The following KCP variants were observed in gnomAD, a reference collection of about 807,000 sequenced individuals.
KCP encodes the protein kielin/chordin-like protein.
In KCP, 194 loss-of-function variants were observed where a neutral mutation model predicts 212.7. The ratio of observed to expected loss-of-function variants is 0.91; its 90% confidence interval spans 0.81 to 1.03. The LOEUF is 1.03. Ranked by LOEUF, KCP falls within the 50% of genes least tolerant of loss-of-function variation. The pLI, the probability that KCP is intolerant of heterozygous loss-of-function variation, is 0.00. For synonymous variants in KCP, 833 were observed against 865.3 expected, an observed-to-expected ratio of 0.96 and a Z score of 0.65; for missense variants, 2,080 against 2,162.5, an observed-to-expected ratio of 0.96 and a Z score of 0.76.
At chr7:128,884,265 A>G in intron 28 of KCP, 143 bp from the exon 29 acceptor site, 1 of 1,030,798 alleles carries the variant, frequency 9.7e-7, no homozygotes, top group Non-Finnish European at 1.4e-6. Context: ...CTGAAGAGAG[A>G]CTCAGTGTCT....
Position 128,902,879 on chromosome 7 carries a change from A to T in KCP, c.749-20T>A. 1 of 1,543,224 alleles carries T rather than the reference A, an allele frequency of 6.5e-7. No homozygotes were observed. Among genetic ancestry groups the T allele is most frequent in the Non-Finnish European group, 8.8e-7 (1 of 1,139,806 alleles). The stretch of plus-strand genomic sequence containing the variant: ...TGCAGCCTAGGGTTGAGGGGTTGAG[A>T]AGAGGGAGGCCTGGTGGGAGCTGGC... On this transcript the variant is annotated intron_variant, in intron 7 of 39. Transcript: ENST00000610776.
chr7:128,879,450 A>G, intron 37 of KCP, 72 bp downstream of exon 37: 4 of 1,314,786 alleles, frequency 3.0e-6, no homozygotes, highest in Non-Finnish European at 4.2e-6. Context: ...CACCCCCTCT[A>G]CAGATACAGA....
intron 4 of KCP, among the ~76,000 whole-genome samples, chr7:128,906,710 G>C (rs1203831200): frequency 1.3e-5 from 2 of 152,174 alleles, no homozygotes; most frequent in East Asian, 3.9e-4. Flanking sequence ...GAATAGGCAG[G>C]CCAGGGGGTT....
At position 128,876,906 on chromosome 7, in the gene KCP, CG is replaced by C; in HGVS notation, c.*136del. The stretch of plus-strand genomic sequence containing the variant: ...GTTTACTGCTGGTGACTCAACATGG[CG>C]GGGGTCTTTGCAGGGCAGGGGCCCA... On this transcript the variant is annotated 3_prime_UTR_variant, in exon 40 of 40. Transcript: ENST00000610776. 9.9e-7 allele frequency: 1 copy of C among 1,012,554 alleles called. No homozygotes were observed. Among genetic ancestry groups the C allele is most frequent in the Non-Finnish European group, 1.4e-6 (1 of 719,512 alleles). The allele number at this position is 1,012,554 out of a possible 1,614,324, so 62.7% of individuals were successfully genotyped here. A position where few individuals can be genotyped will look rare whatever the true frequency, so the allele number is the denominator to read the frequency against.
chr7:128,888,579 G>GCC (rs1367642199), intron 22 of KCP, among the ~76,000 whole-genome samples: 10 of 117,542 alleles, frequency 8.5e-5, no homozygotes, highest in Non-Finnish European at 1.5e-4. Context: ...TATACACACG[G>GCC]CCACACACAC....
intron 8 of KCP, among the ~76,000 whole-genome samples, chr7:128,896,508 C>A (rs1340841724): frequency 6.6e-6 from 1 of 152,114 alleles, no homozygotes; most frequent in Non-Finnish European, 1.5e-5. Flanking sequence ...CTATGGGTGA[C>A]AGGATTAGGC....
At chr7:128,890,092 AT>A in intron 21 of KCP, 1 of 574,998 alleles carries the variant, frequency 1.7e-6, no homozygotes, top group Non-Finnish European at 3.0e-6. Flanking sequence ...CTGATTTTAA[AT>A]TTTTTGTGTA....
chr7:128,889,109 C>A, intron 21 of KCP, 70 bp from the exon 22 acceptor site: 1 of 1,270,876 alleles, frequency 7.9e-7, no homozygotes, highest in Non-Finnish European at 1.1e-6. Flanking sequence ...GTCATAGGCT[C>A]TGAGCTTGGG....
chr7:128,906,475 G>A (rs1344414377), intron 4 of KCP, 112 bp from the exon 5 acceptor site: 3 of 780,296 alleles, frequency 3.8e-6, no homozygotes, highest in South Asian at 1.5e-5. Flanking sequence ...AAGAGGATGA[G>A]TTGGCTCTGT....
In KCP at chr7:128,886,446, G is replaced by A. The variant is rs755025334; in HGVS notation, c.2866+18C>T. 3.9e-6 allele frequency: 6 copies of A among 1,536,642 alleles called. No individual in the cohort carries two copies. In the South Asian group the frequency reaches 7.2e-5, roughly 18 times the overall value. On this transcript the variant is annotated intron_variant, in intron 26 of 39. Transcript: ENST00000610776. Reference sequence around the variant, plus strand: ...GCCAAGGGGCTGAAGCAAGGGGTAGGGCTACAGGCGGCCATACCTCTGCAG... The same window carrying A: ...GCCAAGGGGCTGAAGCAAGGGGTAGAGCTACAGGCGGCCATACCTCTGCAG...
chr7:128,882,063 G>A (rs1353515998), intron 29 of KCP, 47 bp from the exon 30 acceptor site: 5 of 1,439,854 alleles, frequency 3.5e-6, no homozygotes, highest in Non-Finnish European at 4.8e-6. Flanking sequence ...AGGGGCACAG[G>A]GCTGGAAATC....
chr7:128,887,885 A>G (rs1381528599), intron 22 of KCP, among the ~76,000 whole-genome samples: 1 of 149,776 alleles, frequency 6.7e-6, no homozygotes, highest in Non-Finnish European at 1.5e-5. Context: ...AAACATACAC[A>G]TAGCCACGCA....
rs777019614 is a variant in KCP at position 128,906,288 on chromosome 7, A to T, written c.562T>A (p.Cys188Ser). 3.5e-5 allele frequency: 54 copies of T among 1,550,974 alleles called. 1 individual carries two copies. The South Asian group carries it at 6.2e-4, about 18-fold the overall frequency. The change falls in exon 5 of 40, where the codon TGT (cysteine) becomes AGT (serine). Residue 188 changes from cysteine to serine, a missense_variant. Cys to Ser is a moderately radical substitution (Grantham distance 112, BLOSUM62 -1). Coordinates refer to ENST00000610776, the MANE Select transcript of KCP (RefSeq NM_001366122.1). ...CPEPGACCPHCKPGCDYEGQL... is the reference protein window; with the variant it reads ...CPEPGACCPHSKPGCDYEGQL... ...CTGGCAGGAGGCTGACCTGGCTTACAGTGCGGGCAGCATGCTCCTGGCTCA... is the reference window on the plus strand; with the variant it reads ...CTGGCAGGAGGCTGACCTGGCTTACTGTGCGGGCAGCATGCTCCTGGCTCA...
rs1305804761 is a variant in KCP at position 128,904,157 on chromosome 7, TGAC to T, written c.572-22_572-20del. ...TCACAGCCTGGGAAGGTTGGCAGGA[TGAC>T]AAGTGGGTCACCAGGCAGCAGGGTG... On this transcript the variant is annotated intron_variant, in intron 5 of 39. Transcript: ENST00000610776. The T allele has an allele frequency of 4.5e-6, 7 of 1,550,154 alleles. No individual in the cohort carries two copies. The highest frequency in any genetic ancestry group is 6.1e-6 in the Non-Finnish European group (7 of 1,145,590).
At position 128,908,496 on chromosome 7, in the gene KCP, T is replaced by G. The variant is rs1258691991; in HGVS notation, c.149A>C (p.Gln50Pro). ...AHSSVLAGNS[Q>P]EQWHPLREWL... is the part of the protein sequence containing the mutation. ...CTCTCGCAGGGGGTGCCACTGCTCC[T>G]GGGAGTTCCCAGCAAGGACTGAGGA... The change falls in exon 2 of 40, where the codon CAG becomes CCG. Residue 50 changes from glutamine (Q) to proline (P), a missense_variant. Physicochemically the swap from Gln to Pro is moderately conservative, Grantham distance 76 (BLOSUM62 -1). Transcript: ENST00000610776. The G allele has an allele frequency of 2.2e-5, 34 of 1,551,972 alleles. No individual in the cohort carries two copies. The highest frequency in any genetic ancestry group is 1.8e-4 in the African/African-American group (13 of 73,164).
chr7:128,881,862 G>A, intron 30 of KCP, 75 bp downstream of exon 30: 9 of 1,446,820 alleles, frequency 6.2e-6, no homozygotes, highest in Non-Finnish European at 8.5e-6. Flanking sequence ...GCTGCTGCGG[G>A]AGAGGAGTGG....
rs1462990729 is a variant in KCP, at chr7:128,890,935, G to A, written c.2134C>T (p.Arg712Cys). The A allele has an allele frequency of 4.9e-5, 61 of 1,246,392 alleles. 1 individual carries two copies. The South Asian group carries it at 8.9e-4, about 18-fold the overall frequency. The allele number at this position is 1,246,392 out of a possible 1,614,324, so 77.2% of individuals were successfully genotyped here. The change falls in exon 20 of 40, where the codon CGC (arginine) becomes TGC (cysteine). Residue 712 changes from arginine (R) to cysteine (C), a missense_variant. Arg to Cys is a radical substitution (Grantham distance 180, BLOSUM62 -3). Coordinates refer to ENST00000610776, the MANE Select transcript of KCP (RefSeq NM_001366122.1). Reference protein sequence around the residue: ...PCPPAPCAHPRQGPCCPSCDG... With the variant: ...PCPPAPCAHPCQGPCCPSCDG... Reference sequence around the variant, plus strand: ...CAGGAGGGGCAGCAAGGCCCCTGGCGCGGGTGCGCGCAGGGCGCGGGCGGG... The same window carrying A: ...CAGGAGGGGCAGCAAGGCCCCTGGCACGGGTGCGCGCAGGGCGCGGGCGGG...
Position 128,879,778 on chromosome 7 carries a change from C to T in KCP, c.3984G>A (p.Gln1328=). The change falls in exon 36 of 40, where the codon CAG becomes CAA. Residue 1328 remains glutamine, a synonymous_variant. Coordinates refer to ENST00000610776, the MANE Select transcript of KCP (RefSeq NM_001366122.1). ...DRGRSGVAWT[Q]EVAVLLGDMA... ...TGTCTCCCAGCAGCACCGCCACCTC[C>T]TGGGTCCAGGCCACACCGCTCCGGC... The T allele has an allele frequency of 1.9e-6, 3 of 1,550,714 alleles. No homozygotes were observed. Among genetic ancestry groups the T allele is most frequent in the South Asian group, 1.2e-5 (1 of 84,056 alleles).
At chr7:128,902,451 A>C (rs1018885769) in intron 8 of KCP, among the ~76,000 whole-genome samples, 1 of 152,228 alleles carries the variant, frequency 6.6e-6, no homozygotes, top group Non-Finnish European at 1.5e-5. Context: ...TGGACAGCAC[A>C]GTTTTAGATG....
Sources: gnomAD v4.1 joint callset for allele counts (sites outside exome capture counted in the v4.1 genomes callset) on GRCh38, gnomAD v4.1.1 for gene constraint, MANE v1.5 for transcripts, NCBI Gene and HGNC (gene_info 2026-07-23, HGNC 2026-07-21) for gene names.